Variants in FTO observed in about 807,000 individuals in gnomAD.
FTO encodes the protein FTO alpha-ketoglutarate dependent dioxygenase, also known as alpha-ketoglutarate-dependent dioxygenase FTO.
Under a neutral mutation model 63.9 loss-of-function variants are expected in FTO, and 47 were observed. The observed-to-expected ratio is 0.74, with a 90% CI of 0.58 to 0.94. FTO has a LOEUF of 0.94. Ranked by LOEUF, FTO falls within the 40% of genes least tolerant of loss-of-function variation. The pLI, the probability that FTO is intolerant of heterozygous loss-of-function variation, is 0.00. For missense variants in FTO, 562 were observed against 618.1 expected (o/e 0.91, Z 0.96); for synonymous variants, 207 against 224.4 (o/e 0.92, Z 0.69).
intron 1 of FTO, among the ~76,000 whole-genome samples, chr16:53,790,701 T>A (rs2077891669): frequency 6.6e-6 from 1 of 151,660 alleles, no homozygotes; most frequent in South Asian, 2.1e-4. Context: ...CATGTTGTAA[T>A]ATCCTGAAGA....
chr16:54,090,547 A>G lies in FTO; in HGVS notation c.1365-21215A>G, dbSNP rs552592447. On this transcript the variant is annotated intron_variant, in intron 8 of 8. Transcript: ENST00000471389. ...GATTCAAATGGCATATTTTTGTTAT[A>G]TATATTTTGTCATAAAAAAAGTTAA... 1.1e-3 allele frequency among the ~76,000 whole-genome samples: 173 copies of G among 152,326 alleles called. 1 individual carries two copies. The highest frequency in any genetic ancestry group is 3.7e-3 in the Admixed American group (57 of 15,306).
At chr16:53,890,056 G>A (rs963881511) in intron 7 of FTO, among the ~76,000 whole-genome samples, 8 of 152,098 alleles carry the variant, frequency 5.3e-5, no homozygotes, top group Non-Finnish European at 1.2e-4. Context: ...ACTCTAGAAG[G>A]CTGCCTCTGG....
chr16:53,962,853 G>A (rs1047192071), intron 8 of FTO, among the ~76,000 whole-genome samples: 1 of 152,160 alleles, frequency 6.6e-6, no homozygotes, highest in African/African-American at 2.4e-5. Context: ...AGTTCAGCAT[G>A]AGAAATGTAT....
At chr16:53,815,644 T>TA (rs1390725782) in intron 2 of FTO, among the ~76,000 whole-genome samples, 2 of 40,134 alleles carry the variant, frequency 5.0e-5, no homozygotes, top group Non-Finnish European at 1.9e-4. Context: ...TTGTTTTTTT[T>TA]TTTTTTTTTT....
chr16:54,012,806 G>A (rs1291211769), intron 8 of FTO, among the ~76,000 whole-genome samples: 1 of 151,420 alleles, frequency 6.6e-6, no homozygotes, highest in Non-Finnish European at 1.5e-5. Context: ...AATATTTTAA[G>A]CCCATTGTTG....
intron 8 of FTO, among the ~76,000 whole-genome samples, chr16:53,941,189 A>G (rs371273022): frequency 6.6e-6 from 1 of 152,176 alleles, no homozygotes; most frequent in African/African-American, 2.4e-5. Context: ...GCAATTAACT[A>G]TTATTTATTG....
rs1313868518 is a variant in FTO at position 54,121,362 on chromosome 16, ATC to A, written c.*9453_*9454del. The A allele has an allele frequency of 2.0e-5, 3 of 152,352 alleles. No homozygotes were observed. Among genetic ancestry groups the A allele is most frequent in the Admixed American group, 2.0e-4 (3 of 15,310 alleles). 9.4% of individuals were successfully genotyped at this position (152,352 alleles called of 1,614,324 possible). ...TCCAAACCAAAATACTCATGCCAAC[ATC>A]TCTCTGTACAGAAACATGGAAAAAG... On this transcript the variant is annotated 3_prime_UTR_variant, in exon 9 of 9. Coordinates refer to ENST00000471389, the MANE Select transcript of FTO (RefSeq NM_001080432.3).
chr16:54,009,067 A>C (rs6499664), intron 8 of FTO, among the ~76,000 whole-genome samples: 78,115 of 151,630 alleles, frequency 0.52, 22,433 homozygotes, highest in African/African-American at 0.77. Context: ...CTTGATGGTA[A>C]CTAACAATGG....
chr16:54,073,936 A>G (rs376464506), intron 8 of FTO, among the ~76,000 whole-genome samples: 125 of 152,262 alleles, frequency 8.2e-4, no homozygotes, highest in African/African-American at 2.9e-3. Flanking sequence ...GTTAACAACC[A>G]ATTGTTTGCA....
intron 1 of FTO, among the ~76,000 whole-genome samples, chr16:53,724,115 C>T (rs1486512668): frequency 6.6e-6 from 1 of 152,202 alleles, no homozygotes; most frequent in Non-Finnish European, 1.5e-5. Flanking sequence ...GGATATGAAT[C>T]AAATCTATTT....
intron 6 of FTO, among the ~76,000 whole-genome samples, chr16:53,881,723 C>T (rs2080842107): frequency 6.6e-6 from 1 of 152,326 alleles, no homozygotes; most frequent in East Asian, 1.9e-4. Context: ...TATCTTTGGA[C>T]TACATACATT....
intron 8 of FTO, among the ~76,000 whole-genome samples, chr16:54,065,963 A>G (rs1288438272): frequency 6.6e-6 from 1 of 151,072 alleles, no homozygotes; most frequent in Non-Finnish European, 1.5e-5. Context: ...CTAACTTACT[A>G]GCTAACTTAC....
chr16:54,101,650 A>C (rs1322381487), intron 8 of FTO, among the ~76,000 whole-genome samples: 2 of 152,196 alleles, frequency 1.3e-5, no homozygotes, highest in Non-Finnish European at 2.9e-5. Context: ...TTTATGGCAG[A>C]ATGATTTATA....
At chr16:53,744,887 A>G (rs911239571) in intron 1 of FTO, among the ~76,000 whole-genome samples, 10 of 151,246 alleles carry the variant, frequency 6.6e-5, no homozygotes, top group Non-Finnish European at 8.8e-5. Flanking sequence ...TACAACATCT[A>G]AAAAAGGGAG....
At chr16:53,765,572 A>G (rs1174253812) in intron 1 of FTO, among the ~76,000 whole-genome samples, 4 of 151,528 alleles carry the variant, frequency 2.6e-5, no homozygotes, top group Non-Finnish European at 5.9e-5. Flanking sequence ...AAAAAAAAAA[A>G]GAAAGTAAAC....
chr16:53,891,191 C>T (rs1031342863), intron 7 of FTO, among the ~76,000 whole-genome samples: 11 of 151,838 alleles, frequency 7.2e-5, no homozygotes, highest in African/African-American at 2.7e-4. Context: ...GGGGTTTCAC[C>T]ATGTTGGCCA....
intron 1 of FTO, among the ~76,000 whole-genome samples, chr16:53,802,437 A>G (rs1018217035): frequency 6.6e-6 from 1 of 152,160 alleles, no homozygotes; most frequent in Non-Finnish European, 1.5e-5. Context: ...ACCCATATAT[A>G]TGGAGGGCCA....
chr16:54,039,178 A>G (rs777106120), intron 8 of FTO, among the ~76,000 whole-genome samples: 4 of 152,222 alleles, frequency 2.6e-5, no homozygotes, highest in African/African-American at 4.8e-5. Context: ...TCTTCAAACC[A>G]TTAACTCCCA....
chr16:53,805,624 T>C (rs2078344229), intron 1 of FTO, among the ~76,000 whole-genome samples: 1 of 152,062 alleles, frequency 6.6e-6, no homozygotes, highest in African/African-American at 2.4e-5. Flanking sequence ...AGTTTTTGTA[T>C]TTTTTCGTAG....
Sources: gnomAD v4.1 joint callset for allele counts (sites outside exome capture counted in the v4.1 genomes callset) on GRCh38, gnomAD v4.1.1 for gene constraint, MANE v1.5 for transcripts, NCBI Gene and HGNC (gene_info 2026-07-23, HGNC 2026-07-21) for gene names.